Variants in CDPF1 observed in about 807,000 individuals in gnomAD.
CDPF1 encodes cysteine-rich DPF motif domain-containing protein 1.
CDPF1 carries 8 observed loss-of-function variants against 8.3 expected under a neutral mutation model. The observed-to-expected ratio is 0.96, with a 90% CI of 0.57 to 1.74. CDPF1 has a LOEUF of 1.74. Among genes scored for constraint, CDPF1 ranks in the 40% most tolerant of loss-of-function variants. CDPF1 has a pLI of 0.00. For missense variants in CDPF1, 151 were observed against 155.3 expected (o/e 0.97, Z 0.15); for synonymous variants, 62 against 62.9 (o/e 0.99, Z 0.07).
At position 46,245,396 on chromosome 22, in the gene CDPF1, C is replaced by G. The variant is rs1184006773; in HGVS notation, c.226-158G>C. On this transcript the variant is annotated intron_variant, in intron 3 of 3. Transcript: ENST00000314567. This position sits in a 1 kb window ranked among gnomAD's most constrained non-coding sequence, Gnocchi z 6.9. ...GAGCTAGACCAGCAAGAGGGAGAGCCAGGCCTGAGGGCCTGGCAGGGTGTC... is the reference window on the plus strand; with the variant it reads ...GAGCTAGACCAGCAAGAGGGAGAGCGAGGCCTGAGGGCCTGGCAGGGTGTC... Among the ~76,000 whole-genome samples, 2 of 152,034 alleles carry G rather than the reference C, an allele frequency of 1.3e-5. No homozygotes were observed. Among genetic ancestry groups the G allele is most frequent in the African/African-American group, 4.8e-5 (2 of 41,402 alleles).
chr22:46,244,821 G>A lies in CDPF1; in HGVS notation c.*271C>T. 2.2e-6 allele frequency: 1 copy of A among 450,842 alleles called. No individual in the cohort carries two copies. The highest frequency in any genetic ancestry group is 4.1e-6 in the Non-Finnish European group (1 of 243,292). 27.9% of individuals were successfully genotyped at this position (450,842 alleles called of 1,614,324 possible). ...GTCACATCTGAGCAGCACTCACTCA[G>A]GCCTGGGCCCTGAGGGGCATGTGGG... On this transcript the variant is annotated 3_prime_UTR_variant, in exon 4 of 4. Transcript: ENST00000314567. This position sits in a 1 kb window ranked among gnomAD's most constrained non-coding sequence, Gnocchi z 6.7.
Position 46,248,843 on chromosome 22 carries a change from C to A in CDPF1, c.1-559G>T, listed in dbSNP as rs1278141154. On this transcript the variant is annotated intron_variant, in intron 1 of 3. Coordinates refer to ENST00000314567, the MANE Select transcript of CDPF1 (RefSeq NM_207327.5). This position sits in a 1 kb window ranked among gnomAD's most constrained non-coding sequence, Gnocchi z 4.1. ...AGACCATCTAGCTAACATGGTGAAA[C>A]CCCGCCTCTACTAAAAATACAAAAA... Among the ~76,000 whole-genome samples the A allele has an allele frequency of 6.6e-6, 1 of 152,146 alleles. No individual in the cohort carries two copies.
At position 46,246,233 on chromosome 22, in the gene CDPF1, C is replaced by T. The variant is rs560083677; in HGVS notation, c.225+877G>A. On this transcript the variant is annotated intron_variant, in intron 3 of 3. Transcript: ENST00000314567. This position sits in a 1 kb window ranked among gnomAD's most constrained non-coding sequence, Gnocchi z 7.1. ...GAAAGCTGCAGACTTGTGGTACCTG[C>T]GTGCGCCCCCCACCCCCGCCACCCC... is the stretch of plus-strand genomic sequence containing the variant. Among the ~76,000 whole-genome samples the T allele has an allele frequency of 2.6e-5, 4 of 152,252 alleles. No individual in the cohort carries two copies. The highest frequency in any genetic ancestry group is 2.1e-4 in the South Asian group (1 of 4,824).
rs909495065 is a variant in CDPF1 at position 46,244,137 on chromosome 22, G to C, written c.*955C>G. The C allele has an allele frequency of 3.3e-5, 5 of 152,232 alleles. No individual in the cohort carries two copies. Among genetic ancestry groups the C allele is most frequent in the Non-Finnish European group, 5.9e-5 (4 of 68,080 alleles). The allele number at this position is 152,232 out of a possible 1,614,324, so 9.4% of individuals were successfully genotyped here. On this transcript the variant is annotated 3_prime_UTR_variant, in exon 4 of 4. Coordinates refer to ENST00000314567, the MANE Select transcript of CDPF1 (RefSeq NM_207327.5). This position sits in a 1 kb window ranked among gnomAD's most constrained non-coding sequence, Gnocchi z 6.7. ...CAGACATTCCAGAGCTCACAGATCA[G>C]TGTCCCACCAGCTGCTACCCTGGAA...
rs559755376 is a variant in CDPF1, at chr22:46,245,032, C to T, written c.*60G>A. On this transcript the variant is annotated 3_prime_UTR_variant, in exon 4 of 4. Coordinates refer to ENST00000314567, the MANE Select transcript of CDPF1 (RefSeq NM_207327.5). The surrounding 1 kb of genome is among the most constrained non-coding windows in gnomAD (Gnocchi z 6.9). ...GCTCCCAGCTCAGCAGCATCCCTGG[C>T]GCAGGCTGGCCCAGGAGCTCTGTGC... The T allele has an allele frequency of 2.4e-4, 382 of 1,589,002 alleles. 1 individual carries two copies. The East Asian group carries it at 7.9e-3, about 33-fold the overall frequency.
At position 46,245,167 on chromosome 22, in the gene CDPF1, C is replaced by T. The variant is rs1282044345; in HGVS notation, c.297G>A (p.Gln99=). The part of the protein sequence containing the change: ...CVRENINAFP[Q]EIRQDLEKRK... ...TTTTCTCCAAGTCTTGCCGAATTTC[C>T]TGAGGAAAAGCATTGATGTTCTCCC... The change falls in exon 4 of 4, where the codon CAG becomes CAA. Residue 99 remains glutamine (Q), a synonymous_variant. Transcript: ENST00000314567. This position sits in a 1 kb window ranked among gnomAD's most constrained non-coding sequence, Gnocchi z 6.9. The T allele has an allele frequency of 6.2e-7, 1 of 1,614,234 alleles. No homozygotes were observed.
At position 46,245,679 on chromosome 22, in the gene CDPF1, G is replaced by C. The variant is rs907760801; in HGVS notation, c.226-441C>G. Among the ~76,000 whole-genome samples, 4 of 152,240 alleles carry C rather than the reference G, an allele frequency of 2.6e-5. No individual in the cohort carries two copies. The highest frequency in any genetic ancestry group is 6.5e-5 in the Admixed American group (1 of 15,290). ...AAAGACGCCATGGACGAGCCAGCTA[G>C]TCTGGGCAGGAGGCCAGAACCGTGC... On this transcript the variant is annotated intron_variant, in intron 3 of 3. Transcript: ENST00000314567. This position sits in a 1 kb window ranked among gnomAD's most constrained non-coding sequence, Gnocchi z 6.9.
At position 46,244,981 on chromosome 22, in the gene CDPF1, G is replaced by A; in HGVS notation, c.*111C>T. On this transcript the variant is annotated 3_prime_UTR_variant, in exon 4 of 4. Transcript: ENST00000314567. This position sits in a 1 kb window ranked among gnomAD's most constrained non-coding sequence, Gnocchi z 6.7. ...CTGGGCTGCAGTGCTGCTCCCAGTG[G>A]TCCAGAAACAAGGCCAGGCATGGCG... 2.1e-6 allele frequency: 3 copies of A among 1,399,976 alleles called. No individual in the cohort carries two copies. The highest frequency in any genetic ancestry group is 4.1e-5 in the Admixed American group (2 of 48,576). 86.7% of individuals were successfully genotyped at this position (1,399,976 alleles called of 1,614,324 possible).
chr22:46,250,184 G>A (rs1936557478), intron 1 of CDPF1, 72 bp downstream of exon 1: 2 of 152,462 alleles, frequency 1.3e-5, no homozygotes, highest in South Asian at 2.1e-4. Flanking sequence ...CGGCGAGCGG[G>A]AGGCACCCTG....
Position 46,246,832 on chromosome 22 carries a change from C to T in CDPF1, c.225+278G>A, listed in dbSNP as rs1423337422. On this transcript the variant is annotated intron_variant, in intron 3 of 3. Coordinates refer to ENST00000314567, the MANE Select transcript of CDPF1 (RefSeq NM_207327.5). This position sits in a 1 kb window ranked among gnomAD's most constrained non-coding sequence, Gnocchi z 7.1. ...GTCACCATCCTGGTGAGAGGGCGCA[C>T]AAGGACTGTCTGCACTGTTGGTGGG... 11 of 1,555,244 alleles carry T rather than the reference C, an allele frequency of 7.1e-6. No homozygotes were observed. The highest frequency in any genetic ancestry group is 1.2e-5 in the South Asian group (1 of 84,192).
In CDPF1 at chr22:46,248,332, G is replaced by T; in HGVS notation, c.1-48C>A. 8.1e-7 allele frequency: 1 copy of T among 1,230,612 alleles called. No individual in the cohort carries two copies. Among genetic ancestry groups the T allele is most frequent in the Non-Finnish European group, 1.2e-6 (1 of 843,248 alleles). 76.2% of individuals were successfully genotyped at this position (1,230,612 alleles called of 1,614,324 possible). On this transcript the variant is annotated intron_variant, in intron 1 of 3. Transcript: ENST00000314567. The surrounding 1 kb of genome is among the most constrained non-coding windows in gnomAD (Gnocchi z 4.1). Reference sequence around the variant, plus strand: ...GTCCCTGGGTCACAGGCTTTCTCAGGAATCCTGCCCCTTTCCCAGCTATGA... The same window carrying T: ...GTCCCTGGGTCACAGGCTTTCTCAGTAATCCTGCCCCTTTCCCAGCTATGA...
In CDPF1 at chr22:46,245,450, A is replaced by G. The variant is rs1474491218; in HGVS notation, c.226-212T>C. 3.9e-5 allele frequency among the ~76,000 whole-genome samples: 6 copies of G among 152,098 alleles called. No individual in the cohort carries two copies. Among genetic ancestry groups the G allele is most frequent in the Non-Finnish European group, 8.8e-5 (6 of 68,012 alleles). On this transcript the variant is annotated intron_variant, in intron 3 of 3. Transcript: ENST00000314567. This position sits in a 1 kb window ranked among gnomAD's most constrained non-coding sequence, Gnocchi z 6.9. ...GAGAAAAGCAATGCAGGCCTGGGCT[A>G]CCCTGGGTGGGAACAGCTGGGATGG...
Position 46,246,649 on chromosome 22 carries a change from G to T in CDPF1, c.225+461C>A. ...AGCTCAGTTCCCTCATCTATAAAAT[G>T]GGTGGAATATAATACTGCTTTACCT... On this transcript the variant is annotated intron_variant, in intron 3 of 3. Transcript: ENST00000314567. The surrounding 1 kb of genome is among the most constrained non-coding windows in gnomAD (Gnocchi z 7.1). 6.4e-7 allele frequency: 1 copy of T among 1,550,656 alleles called. No individual in the cohort carries two copies. Among genetic ancestry groups the T allele is most frequent in the South Asian group, 1.2e-5 (1 of 83,840 alleles).
At position 46,248,860 on chromosome 22, in the gene CDPF1, A is replaced by G. The variant is rs1243953350; in HGVS notation, c.1-576T>C. Among the ~76,000 whole-genome samples, 1 of 152,194 alleles carries G rather than the reference A, an allele frequency of 6.6e-6. No individual in the cohort carries two copies. The highest frequency in any genetic ancestry group is 2.4e-5 in the African/African-American group (1 of 41,448). ...TGGTGAAACCCCGCCTCTACTAAAA[A>G]TACAAAAAATTAGCCAGGCGTGGTG... On this transcript the variant is annotated intron_variant, in intron 1 of 3. Coordinates refer to ENST00000314567, the MANE Select transcript of CDPF1 (RefSeq NM_207327.5). This position sits in a 1 kb window ranked among gnomAD's most constrained non-coding sequence, Gnocchi z 4.1.
In CDPF1 at chr22:46,245,936, T is replaced by C. The variant is rs898113855; in HGVS notation, c.226-698A>G. Among the ~76,000 whole-genome samples, 17 of 152,156 alleles carry C rather than the reference T, an allele frequency of 1.1e-4. No individual in the cohort carries two copies. Among genetic ancestry groups the C allele is most frequent in the Admixed American group, 7.9e-4 (12 of 15,276 alleles). ...CCCGCTGCCTGGGATGCAAATATGA[T>C]GGTGGGAGCTCCACAGCCACAAGGG... On this transcript the variant is annotated intron_variant, in intron 3 of 3. Transcript: ENST00000314567. This position sits in a 1 kb window ranked among gnomAD's most constrained non-coding sequence, Gnocchi z 6.9.
At position 46,246,861 on chromosome 22, in the gene CDPF1, G is replaced by A. The variant is rs1936498447; in HGVS notation, c.225+249C>T. 2.0e-6 allele frequency: 3 copies of A among 1,538,064 alleles called. No individual in the cohort carries two copies. The highest frequency in any genetic ancestry group is 2.6e-6 in the Non-Finnish European group (3 of 1,140,558). ...GACTGTCTGCACTGTTGGTGGGAAG[G>A]GGAGGAACCCTGAGGGGCCACTGGG... On this transcript the variant is annotated intron_variant, in intron 3 of 3. Transcript: ENST00000314567. This position sits in a 1 kb window ranked among gnomAD's most constrained non-coding sequence, Gnocchi z 7.1.
rs2147765648 is a variant in CDPF1, at chr22:46,246,787, C to T, written c.225+323G>A. The T allele has an allele frequency of 6.3e-7, 1 of 1,594,586 alleles. No homozygotes were observed. The highest frequency in any genetic ancestry group is 1.8e-4 in the Middle Eastern group (1 of 5,620). On this transcript the variant is annotated intron_variant, in intron 3 of 3. Transcript: ENST00000314567. This position sits in a 1 kb window ranked among gnomAD's most constrained non-coding sequence, Gnocchi z 7.1. The stretch of plus-strand genomic sequence containing the variant: ...CAGTCCCTTCTCCTGGAGATCCCTC[C>T]AAGAACATCTAGAAAGTAAGTCACC...
chr22:46,248,530 G>A lies in CDPF1; in HGVS notation c.1-246C>T, dbSNP rs1936526688. On this transcript the variant is annotated intron_variant, in intron 1 of 3. Transcript: ENST00000314567. This position sits in a 1 kb window ranked among gnomAD's most constrained non-coding sequence, Gnocchi z 4.1. Reference sequence around the variant, plus strand: ...GAGAGAAGGATCCAGACAGGATCAAGCCAGAGCACCCATCTCTTCTTCCAG... The same window carrying A: ...GAGAGAAGGATCCAGACAGGATCAAACCAGAGCACCCATCTCTTCTTCCAG... Among the ~76,000 whole-genome samples the A allele has an allele frequency of 1.3e-5, 2 of 152,218 alleles. No individual in the cohort carries two copies.
rs1461221718 is a variant in CDPF1, at chr22:46,244,226, G to C, written c.*866C>G. The C allele has an allele frequency of 6.6e-6, 1 of 152,586 alleles. No homozygotes were observed. 9.5% of individuals were successfully genotyped at this position (152,586 alleles called of 1,614,324 possible). ...GCAGGAACCCCCGGCAGGCAGTGGGGCCAGGCTTCACAGGCACCCAGGGCT... is the reference window on the plus strand; with the variant it reads ...GCAGGAACCCCCGGCAGGCAGTGGGCCCAGGCTTCACAGGCACCCAGGGCT... On this transcript the variant is annotated 3_prime_UTR_variant, in exon 4 of 4. Coordinates refer to ENST00000314567, the MANE Select transcript of CDPF1 (RefSeq NM_207327.5). This position sits in a 1 kb window ranked among gnomAD's most constrained non-coding sequence, Gnocchi z 6.7.
Sources: gnomAD v4.1 joint callset for allele counts (sites outside exome capture counted in the v4.1 genomes callset) on GRCh38, gnomAD v4.1.1 for gene constraint, Gnocchi (gnomAD v3.1) non-coding constraint, MANE v1.5 for transcripts, NCBI Gene and HGNC (gene_info 2026-07-23, HGNC 2026-07-21) for gene names.